Variants in GUCY1A2 observed in about 807,000 individuals in gnomAD.
The protein encoded by GUCY1A2 is guanylate cyclase 1 soluble subunit alpha 2.
In GUCY1A2, 27 loss-of-function variants were observed where a neutral mutation model predicts 63.5. The observed-to-expected ratio is 0.43, with a 90% CI of 0.31 to 0.59. The LOEUF is 0.59. Ranked by LOEUF, GUCY1A2 falls within the 20% of genes least tolerant of loss-of-function variation. The pLI, the probability that GUCY1A2 is intolerant of heterozygous loss-of-function variation, is 0.11. For missense variants in GUCY1A2, 768 were observed against 913.3 expected (o/e 0.84, Z 2.05); for synonymous variants, 364 against 343.5 (o/e 1.06, Z -0.66).
intron 7 of GUCY1A2, among the ~76,000 whole-genome samples, chr11:106,691,879 T>C (rs1862631147): frequency 6.6e-6 from 1 of 152,174 alleles, no homozygotes; most frequent in Non-Finnish European, 1.5e-5. Flanking sequence ...CAGCAGACTT[T>C]GTAGATAAGA....
chr11:106,787,981 T>C (rs1400454116), intron 5 of GUCY1A2, among the ~76,000 whole-genome samples: 2 of 152,156 alleles, frequency 1.3e-5, no homozygotes, highest in Non-Finnish European at 1.5e-5. Flanking sequence ...ATATTGGTTG[T>C]ACTAATTTAC....
chr11:106,957,154 T>C (rs1157957843), intron 3 of GUCY1A2, among the ~76,000 whole-genome samples: 1 of 152,130 alleles, frequency 6.6e-6, no homozygotes, highest in Non-Finnish European at 1.5e-5. Context: ...CAGGGGAAAG[T>C]ACAGCCTGGA....
At chr11:106,769,020 C>T (rs1864210212) in intron 6 of GUCY1A2, among the ~76,000 whole-genome samples, 1 of 152,092 alleles carries the variant, frequency 6.6e-6, no homozygotes, top group Non-Finnish European at 1.5e-5. Context: ...ATCCCCTGAT[C>T]GCTAACTGCT....
chr11:106,961,346 C>T (rs1861055277), intron 3 of GUCY1A2, among the ~76,000 whole-genome samples: 3 of 152,094 alleles, frequency 2.0e-5, no homozygotes, highest in South Asian at 2.1e-4. Context: ...TTATAAATAG[C>T]TTAATAGGTA....
chr11:106,745,057 T>C (rs1269641779), intron 6 of GUCY1A2, among the ~76,000 whole-genome samples: 2 of 152,050 alleles, frequency 1.3e-5, no homozygotes, highest in African/African-American at 4.8e-5. Flanking sequence ...TTATTAGATT[T>C]AAGAGAGAAA....
intron 4 of GUCY1A2, among the ~76,000 whole-genome samples, chr11:106,878,169 C>T (rs905695046): frequency 6.6e-6 from 1 of 152,032 alleles, no homozygotes; most frequent in South Asian, 2.1e-4. Flanking sequence ...AGCACTTATA[C>T]ACTGTGAGTG....
intron 4 of GUCY1A2, among the ~76,000 whole-genome samples, chr11:106,832,810 C>T (rs1214199506): frequency 2.0e-5 from 3 of 152,082 alleles, no homozygotes; most frequent in Admixed American, 6.6e-5. Flanking sequence ...CCTAATTTAT[C>T]ATAAACATTA....
chr11:106,864,565 T>C (rs1859563623), intron 4 of GUCY1A2, among the ~76,000 whole-genome samples: 1 of 152,164 alleles, frequency 6.6e-6, no homozygotes. Context: ...TTGTCATAAA[T>C]AGCTCTTATT....
intron 4 of GUCY1A2, among the ~76,000 whole-genome samples, chr11:106,841,740 G>C (rs1259684237): frequency 6.6e-6 from 1 of 151,824 alleles, no homozygotes; most frequent in Admixed American, 6.6e-5. Context: ...CACATTTTCT[G>C]CTACATCTCA....
At chr11:106,763,170 A>C (rs1864095969) in intron 6 of GUCY1A2, among the ~76,000 whole-genome samples, 1 of 152,114 alleles carries the variant, frequency 6.6e-6, no homozygotes, top group South Asian at 2.1e-4. Context: ...TGTAAGATTA[A>C]AAATGGAAAA....
chr11:106,738,980 G>T (rs1863640371), intron 6 of GUCY1A2, among the ~76,000 whole-genome samples: 1 of 152,078 alleles, frequency 6.6e-6, no homozygotes, highest in African/African-American at 2.4e-5. Flanking sequence ...AATTACTTTG[G>T]GCAGTATGGC....
At chr11:106,870,014 C>A (rs1462093765) in intron 4 of GUCY1A2, among the ~76,000 whole-genome samples, 1 of 148,432 alleles carries the variant, frequency 6.7e-6, no homozygotes, top group East Asian at 2.0e-4. Context: ...GGACAAATAC[C>A]AAACACCGCA....
intron 5 of GUCY1A2, among the ~76,000 whole-genome samples, chr11:106,806,515 C>T (rs1404497110): frequency 6.6e-6 from 1 of 152,084 alleles, no homozygotes; most frequent in African/African-American, 2.4e-5. Context: ...TAGTCAATGC[C>T]ATTATTATTG....
intron 1 of GUCY1A2, among the ~76,000 whole-genome samples, chr11:107,013,715 T>C (rs943338716): frequency 2.6e-5 from 4 of 152,066 alleles, no homozygotes; most frequent in Non-Finnish European, 5.9e-5. Context: ...GACCTGCTAA[T>C]TGGAGGGTTA....
At chr11:106,900,241 C>A (rs571171827) in intron 4 of GUCY1A2, among the ~76,000 whole-genome samples, 1 of 152,186 alleles carries the variant, frequency 6.6e-6, no homozygotes, top group South Asian at 2.1e-4. Context: ...TGGAGTACAG[C>A]GGCACTATAT....
In GUCY1A2 at chr11:106,938,041, G is replaced by A. The variant is rs189302585; in HGVS notation, c.1206+1419C>T. Among the ~76,000 whole-genome samples the A allele has an allele frequency of 2.4e-3, 360 of 152,120 alleles. 3 individuals carry two copies. Among genetic ancestry groups the A allele is most frequent in the East Asian group, 0.018 (91 of 5,156 alleles). The stretch of plus-strand genomic sequence containing the variant: ...CAGCCTCTGCCTCCTGGGTTCAAGC[G>A]ATTCTCCTGTCTCAGCCTCCTGAGT... On this transcript the variant is annotated intron_variant, in intron 4 of 7. Coordinates refer to ENST00000526355, the MANE Select transcript of GUCY1A2 (RefSeq NM_000855.3).
chr11:106,721,207 C>T (rs551960412), intron 6 of GUCY1A2, among the ~76,000 whole-genome samples: 2 of 151,912 alleles, frequency 1.3e-5, no homozygotes, highest in East Asian at 1.9e-4. Flanking sequence ...TACAGGCGTG[C>T]GCCACCATGC....
intron 7 of GUCY1A2, among the ~76,000 whole-genome samples, chr11:106,697,411 A>C (rs1485314021): frequency 6.6e-6 from 1 of 152,218 alleles, no homozygotes; most frequent in Non-Finnish European, 1.5e-5. Context: ...CTAGTTTAAA[A>C]ACGAATACTC....
At chr11:106,737,051 T>C (rs932227089) in intron 6 of GUCY1A2, among the ~76,000 whole-genome samples, 3 of 152,168 alleles carry the variant, frequency 2.0e-5, no homozygotes, top group African/African-American at 7.2e-5. Flanking sequence ...ACATTGTTGG[T>C]ACCCATCCTA....
Sources: allele counts gnomAD v4.1 joint callset (sites outside exome capture counted in the v4.1 genomes callset), GRCh38; gene constraint gnomAD v4.1.1; transcripts MANE v1.5; gene names NCBI Gene and HGNC (gene_info 2026-07-23, HGNC 2026-07-21).